Variants in OLA1 observed in about 807,000 individuals in gnomAD.
The protein encoded by OLA1 is Obg like ATPase 1, also known as obg-like ATPase 1.
In OLA1, 14 loss-of-function variants were observed where a neutral mutation model predicts 48.4. The ratio of observed to expected loss-of-function variants is 0.29; its 90% CI spans 0.19 to 0.45. The LOEUF is 0.45. OLA1 is among the 20% of genes least tolerant of loss of function. OLA1 has a pLI of 1.00. For synonymous variants in OLA1, 127 were observed against 150.4 expected, an observed-to-expected ratio of 0.84 and a Z score of 1.14; for missense variants, 325 against 467.1, an observed-to-expected ratio of 0.70 and a Z score of 2.80.
intron 7 of OLA1, among the ~76,000 whole-genome samples, chr2:174,086,843 C>G (rs1684988121): frequency 6.6e-6 from 1 of 152,088 alleles, no homozygotes; most frequent in South Asian, 2.1e-4. Flanking sequence ...CTGCGGTTGA[C>G]AGCGGGAACT....
intron 2 of OLA1, among the ~76,000 whole-genome samples, chr2:174,232,916 A>C (rs1484873732): frequency 6.6e-6 from 1 of 152,226 alleles, no homozygotes; most frequent in Non-Finnish European, 1.5e-5. Context: ...ACCCATGTTC[A>C]TTGATGCATT....
At chr2:174,132,953 TTTTTG>T (rs1448811539) in intron 5 of OLA1, among the ~76,000 whole-genome samples, 4 of 152,152 alleles carry the variant, frequency 2.6e-5, no homozygotes, top group African/African-American at 4.8e-5. Flanking sequence ...AGTACTACAG[TTTTTG>T]TTTTGTTTTG....
chr2:174,091,300 A>T (rs1230685890), intron 7 of OLA1, among the ~76,000 whole-genome samples: 2 of 152,244 alleles, frequency 1.3e-5, no homozygotes, highest in Non-Finnish European at 2.9e-5. Flanking sequence ...CAGGGAGAAC[A>T]AGGGAAGAAG....
At chr2:174,238,699 G>T (rs1391327210) in intron 2 of OLA1, among the ~76,000 whole-genome samples, 1 of 152,008 alleles carries the variant, frequency 6.6e-6, no homozygotes, top group Non-Finnish European at 1.5e-5. Context: ...ATGTGACCCA[G>T]AAATTCTACT....
At chr2:174,246,515 G>A (rs1305102514) in intron 2 of OLA1, among the ~76,000 whole-genome samples, 200 bp downstream of exon 2, 1 of 152,112 alleles carries the variant, frequency 6.6e-6, no homozygotes, top group Non-Finnish European at 1.5e-5. Flanking sequence ...GACAGCCTAT[G>A]TAGGTACCAC....
At chr2:174,187,942 G>GA (rs1347980679) in intron 4 of OLA1, among the ~76,000 whole-genome samples, 1 of 152,114 alleles carries the variant, frequency 6.6e-6, no homozygotes, top group African/African-American at 2.4e-5. Context: ...TGTCCAGTGA[G>GA]AAAAAATGAT....
intron 4 of OLA1, among the ~76,000 whole-genome samples, chr2:174,221,110 CT>C (rs1688490938): frequency 6.6e-6 from 1 of 152,098 alleles, no homozygotes; most frequent in Admixed American, 6.5e-5. Context: ...TTCATCAATT[CT>C]AAGATGCGTA....
At chr2:174,241,955 A>G (rs1013829278) in intron 2 of OLA1, among the ~76,000 whole-genome samples, 7 of 152,216 alleles carry the variant, frequency 4.6e-5, no homozygotes, top group Non-Finnish European at 8.8e-5. Context: ...AGAATTTTTA[A>G]CCAAACATGT....
At chr2:174,202,978 G>C (rs1688023300) in intron 4 of OLA1, among the ~76,000 whole-genome samples, 1 of 152,002 alleles carries the variant, frequency 6.6e-6, no homozygotes, top group African/African-American at 2.4e-5. Context: ...TGTTGTTCAA[G>C]GGTCAACTGT....
chr2:174,207,293 C>T (rs901554594), intron 4 of OLA1, among the ~76,000 whole-genome samples: 1 of 152,110 alleles, frequency 6.6e-6, no homozygotes, highest in African/African-American at 2.4e-5. Context: ...ACACCCACAA[C>T]AAAACTAAAG....
At chr2:174,119,112 T>G (rs183689289) in intron 7 of OLA1, among the ~76,000 whole-genome samples, 94 of 151,870 alleles carry the variant, frequency 6.2e-4, no homozygotes, top group African/African-American at 2.0e-3. Context: ...AAAAAAAGAT[T>G]CCTGAATGGG....
At chr2:174,097,873 C>T (rs1261325858) in intron 7 of OLA1, among the ~76,000 whole-genome samples, 1 of 152,176 alleles carries the variant, frequency 6.6e-6, no homozygotes, top group Non-Finnish European at 1.5e-5. Context: ...GAGGATGCTT[C>T]CTTATTCTAA....
intron 4 of OLA1, among the ~76,000 whole-genome samples, chr2:174,189,876 AAC>A (rs71021677): frequency 0.27 from 21,432 of 79,956 alleles, 1,592 homozygotes; most frequent in East Asian, 0.53. Context: ...AAAAAAAAAA[AAC>A]AAAACACACA....
rs73035748 is a variant in OLA1 at position 174,178,206 on chromosome 2, T to G, written c.374-36206A>C. On this transcript the variant is annotated intron_variant, in intron 4 of 10. Coordinates refer to ENST00000284719, the MANE Select transcript of OLA1 (RefSeq NM_013341.5). ...AATTTCATTAATGTTCAGTATTTAT[T>G]ATAGGTATTAGCCAAATACAGGCAT... Among the ~76,000 whole-genome samples the G allele has an allele frequency of 4.3e-3, 653 of 152,112 alleles. 2 individuals are homozygous for G. Among genetic ancestry groups the G allele is most frequent in the African/African-American group, 0.015 (621 of 41,560 alleles).
chr2:174,220,799 G>C (rs889976186), intron 4 of OLA1, among the ~76,000 whole-genome samples: 1 of 152,106 alleles, frequency 6.6e-6, no homozygotes, highest in Non-Finnish European at 1.5e-5. Context: ...TTAATGGAGA[G>C]AAACATGATA....
At position 174,223,088 on chromosome 2, in the gene OLA1, C is replaced by A. The variant is rs148270006; in HGVS notation, c.318G>T (p.Leu106=). ...TAATATGAGATAAAAAAGCATTCCC[C>A]AGGCCCTGCCCATTGTGAGCTCCTT... ...LVKGAHNGQG[L]GNAFLSHISA... Residue 106 remains leucine (L), a synonymous_variant, in exon 4 of 11, where the codon CTG becomes CTT. Coordinates refer to ENST00000284719, the MANE Select transcript of OLA1 (RefSeq NM_013341.5). 1 of 1,613,842 alleles carries A rather than the reference C, an allele frequency of 6.2e-7. No homozygotes were observed. Among genetic ancestry groups the A allele is most frequent in the African/African-American group, 1.3e-5 (1 of 74,930 alleles).
chr2:174,124,979 AT>A (rs949799617), intron 5 of OLA1, among the ~76,000 whole-genome samples: 4 of 152,204 alleles, frequency 2.6e-5, no homozygotes, highest in Non-Finnish European at 4.4e-5. Flanking sequence ...GAAATCTAAC[AT>A]GTTCGGCTTA....
chr2:174,083,832 A>G (rs1161310945), intron 7 of OLA1, among the ~76,000 whole-genome samples: 1 of 152,236 alleles, frequency 6.6e-6, no homozygotes, highest in Non-Finnish European at 1.5e-5. Context: ...AGGAGAATAT[A>G]AAAATATCAT....
chr2:174,100,351 CT>C (rs1350988500), intron 7 of OLA1, among the ~76,000 whole-genome samples: 2 of 152,154 alleles, frequency 1.3e-5, no homozygotes, highest in African/African-American at 4.8e-5. Flanking sequence ...TGATTGACCT[CT>C]CTAGGTATTT....
Sources: gnomAD v4.1 joint callset for allele counts (sites outside exome capture counted in the v4.1 genomes callset) on GRCh38, gnomAD v4.1.1 for gene constraint, MANE v1.5 for transcripts, NCBI Gene and HGNC (gene_info 2026-07-23, HGNC 2026-07-21) for gene names.